Variants in MAML3 observed in about 807,000 individuals in gnomAD.
MAML3 encodes the protein mastermind-like protein 3.
A neutral mutation model predicts 101.9 loss-of-function variants in MAML3; 27 were observed. The observed-to-expected ratio is 0.27, with a 90% CI of 0.20 to 0.37. The LOEUF is 0.37. Ranked by LOEUF, MAML3 falls within the 10% of genes least tolerant of loss-of-function variation. MAML3 has a pLI of 1.00. For synonymous variants in MAML3, 501 were observed against 555.9 expected (o/e 0.90, Z 1.39); for missense variants, 1,316 against 1,444.9 (o/e 0.91, Z 1.45).
intron 1 of MAML3, among the ~76,000 whole-genome samples, chr4:140,138,556 G>A (rs1728933990): frequency 1.3e-5 from 2 of 152,202 alleles, no homozygotes; most frequent in African/African-American, 2.4e-5. Context: ...TACAACCCAT[G>A]AGGTGCTGAT....
chr4:139,770,651 T>C (rs1279193765), intron 2 of MAML3, among the ~76,000 whole-genome samples: 1 of 152,212 alleles, frequency 6.6e-6, no homozygotes, highest in African/African-American at 2.4e-5. Context: ...CCTGCTTTTT[T>C]GGGATCTTCC....
chr4:139,945,135 T>C (rs570210043), intron 1 of MAML3, among the ~76,000 whole-genome samples: 2 of 152,332 alleles, frequency 1.3e-5, no homozygotes, highest in Admixed American at 1.3e-4. Context: ...AGTTCTGATA[T>C]AAGGTCTGTT....
intron 1 of MAML3, among the ~76,000 whole-genome samples, chr4:139,926,833 T>C (rs1446778272): frequency 2.0e-5 from 3 of 152,208 alleles, no homozygotes; most frequent in Non-Finnish European, 2.9e-5. Context: ...ACAGGCCTCA[T>C]TAGAACTTCA....
chr4:140,046,794 AGGG>A (rs948183937), intron 1 of MAML3, among the ~76,000 whole-genome samples: 2 of 151,350 alleles, frequency 1.3e-5, no homozygotes, highest in African/African-American at 4.9e-5. Flanking sequence ...CGCAAAGGGC[AGGG>A]GGAGGGGTAG....
chr4:139,765,515 A>G (rs1313417288), intron 2 of MAML3, among the ~76,000 whole-genome samples: 1 of 152,248 alleles, frequency 6.6e-6, no homozygotes. Context: ...AAGGATTCCA[A>G]TGTAATAATC....
intron 1 of MAML3, among the ~76,000 whole-genome samples, chr4:140,089,370 C>G (rs1728007495): frequency 6.6e-6 from 1 of 152,256 alleles, no homozygotes; most frequent in African/African-American, 2.4e-5. Context: ...CTCCTTAATC[C>G]CAGCATGATG....
intron 1 of MAML3, among the ~76,000 whole-genome samples, chr4:140,073,582 A>G (rs1727701920): frequency 6.6e-6 from 1 of 152,142 alleles, no homozygotes; most frequent in South Asian, 2.1e-4. Flanking sequence ...AGGCACCCAC[A>G]GTATACAAGA....
intron 1 of MAML3, among the ~76,000 whole-genome samples, chr4:140,152,170 G>A (rs1729183362): frequency 6.6e-6 from 1 of 152,240 alleles, no homozygotes; most frequent in African/African-American, 2.4e-5. Context: ...AAAGAGCGGA[G>A]CGCACCCGCG....
chr4:139,750,704 C>G (rs1411371907), intron 2 of MAML3, among the ~76,000 whole-genome samples: 1 of 152,154 alleles, frequency 6.6e-6, no homozygotes, highest in African/African-American at 2.4e-5. Context: ...GGCTCAATTA[C>G]TTTCTTTGTA....
chr4:139,767,075 C>T (rs1209125747), intron 2 of MAML3, among the ~76,000 whole-genome samples: 2 of 152,226 alleles, frequency 1.3e-5, no homozygotes, highest in Non-Finnish European at 2.9e-5. Context: ...TGTAACCCAA[C>T]TTATATTCCT....
At chr4:139,971,904 C>T (rs543258215) in intron 1 of MAML3, among the ~76,000 whole-genome samples, 4 of 152,240 alleles carry the variant, frequency 2.6e-5, no homozygotes, top group African/African-American at 7.2e-5. Context: ...CAGCAGTGGG[C>T]GTGGCTCATT....
intron 1 of MAML3, among the ~76,000 whole-genome samples, chr4:139,930,441 C>T (rs1278377746): frequency 1.3e-5 from 2 of 152,212 alleles, no homozygotes; most frequent in African/African-American, 4.8e-5. Flanking sequence ...CATCAGGGAA[C>T]TCAGCAGCTT....
At chr4:139,926,900 T>C (rs907425189) in intron 1 of MAML3, among the ~76,000 whole-genome samples, 1 of 152,200 alleles carries the variant, frequency 6.6e-6, no homozygotes, top group Non-Finnish European at 1.5e-5. Flanking sequence ...GATGATCCCA[T>C]ATTGCATTTA....
At chr4:140,055,859 T>TAA (rs370338814) in intron 1 of MAML3, among the ~76,000 whole-genome samples, 3 of 143,082 alleles carry the variant, frequency 2.1e-5, no homozygotes, top group Non-Finnish European at 4.6e-5. Flanking sequence ...GTTAGTAGTT[T>TAA]AAAAAAAAAA....
rs1436961932 is a variant in MAML3 at position 139,956,053 on chromosome 4, GCAAAGC to G, written c.469-65092_469-65087del. On this transcript the variant is annotated intron_variant, in intron 1 of 4. Coordinates refer to ENST00000509479, the MANE Select transcript of MAML3 (RefSeq NM_018717.5). ...GTGGCACAACCTTACCTTTTCTAAT[GCAAAGC>G]AACTGGTTTGAAATCTCTGAATTCT... is the stretch of plus-strand genomic sequence containing the variant. 3.9e-5 allele frequency among the ~76,000 whole-genome samples: 6 copies of G among 152,210 alleles called. 1 individual carries two copies. The highest frequency in any genetic ancestry group is 2.0e-4 in the Admixed American group (3 of 15,284).
chr4:139,733,611 A>G (rs1227600101), intron 2 of MAML3, among the ~76,000 whole-genome samples: 1 of 151,790 alleles, frequency 6.6e-6, no homozygotes, highest in Non-Finnish European at 1.5e-5. Context: ...ATTTCCCCAA[A>G]TAATTCCCTC....
chr4:139,756,500 C>A (rs1428801030), intron 2 of MAML3, among the ~76,000 whole-genome samples: 1 of 152,160 alleles, frequency 6.6e-6, no homozygotes, highest in Non-Finnish European at 1.5e-5. Flanking sequence ...GAGTCAAGGA[C>A]TCCAAGCCTT....
chr4:139,830,460 G>A (rs1248361865), intron 2 of MAML3, among the ~76,000 whole-genome samples: 1 of 144,520 alleles, frequency 6.9e-6, no homozygotes, highest in Admixed American at 6.9e-5. Flanking sequence ...CGTCACCCAG[G>A]CTGGAGTGCA....
At chr4:139,730,726 G>T in intron 2 of MAML3, 59 bp from the exon 3 acceptor site, 1 of 1,494,062 alleles carries the variant, frequency 6.7e-7, no homozygotes, top group African/African-American at 1.4e-5. Flanking sequence ...ACTGCTGTTT[G>T]AAGGGAAGCC....
Sources: allele counts gnomAD v4.1 joint callset (sites outside exome capture counted in the v4.1 genomes callset), GRCh38; gene constraint gnomAD v4.1.1; transcripts MANE v1.5; gene names NCBI Gene and HGNC (gene_info 2026-07-23, HGNC 2026-07-21).